The following RFX6 variants were observed in gnomAD, a reference collection of about 807,000 sequenced individuals.
RFX6 encodes the protein regulatory factor X6, also known as DNA-binding protein RFX6.
RFX6 carries 50 observed loss-of-function variants against 110.8 expected under a neutral mutation model. That is an observed-to-expected ratio of 0.45 (90% CI 0.36 to 0.57). RFX6 has a LOEUF of 0.57. RFX6 is among the 20% of genes least tolerant of loss of function. The pLI, the probability that RFX6 is intolerant of heterozygous loss-of-function variation, is 0.00. For missense variants in RFX6, 990 were observed against 1,127.0 expected (o/e 0.88, Z 1.74); for synonymous variants, 383 against 411.2 (o/e 0.93, Z 0.83).
rs758650512 is a variant in RFX6, at chr6:116,920,469, T to G, written c.1327+15T>G. The G allele has an allele frequency of 3.1e-6, 5 of 1,610,380 alleles. No individual in the cohort carries two copies. Among genetic ancestry groups the G allele is most frequent in the South Asian group, 2.2e-5 (2 of 91,022 alleles). On this transcript the variant is annotated intron_variant, in intron 12 of 18. Transcript: ENST00000332958. The stretch of plus-strand genomic sequence containing the variant: ...CTACACTGAACGTAAGTCCATTCTC[T>G]TTGTTTAGAACAAGGTTTTCTAAGC...
Position 116,877,366 on chromosome 6 carries a change from C to T in RFX6, c.91C>T (p.Gln31Ter). ...GGGGATCCAGGAAGACTGCTGTGTG[C>T]AGCTCCTGGGCAAGGGCTTGCTAGT... ...SPGIQEDCCV[Q>*]LLGKGLLVYP... Residue 31 changes from glutamine (Q) to a stop codon, truncating the protein, a stop_gained, in exon 1 of 19, where the codon CAG becomes TAG. Transcript: ENST00000332958. LOFTEE classifies it high-confidence loss of function. 1 of 1,611,584 alleles carries T rather than the reference C, an allele frequency of 6.2e-7. No homozygotes were observed. The highest frequency in any genetic ancestry group is 8.5e-7 in the Non-Finnish European group (1 of 1,179,020).
At position 116,923,218 on chromosome 6, in the gene RFX6, A is replaced by G; in HGVS notation, c.1549A>G (p.Ser517Gly). ...MHNLTLNNAS[S>G]FGSFHLIRML... ...TAATCTCACCTTGAACAATGCATCC[A>G]GTTTTGGTAACATACGTGCATTATA... is the stretch of plus-strand genomic sequence containing the variant. Residue 517 changes from serine (S) to glycine (G), a missense_variant, in exon 14 of 19, where the codon AGT becomes GGT. By Grantham distance (56) the Ser-to-Gly change is moderately conservative. Coordinates refer to ENST00000332958, the MANE Select transcript of RFX6 (RefSeq NM_173560.4). 1 of 1,443,612 alleles carries G rather than the reference A, an allele frequency of 6.9e-7. No individual in the cohort carries two copies. Among genetic ancestry groups the G allele is most frequent in the Non-Finnish European group, 9.8e-7 (1 of 1,025,468 alleles). The allele number at this position is 1,443,612 out of a possible 1,614,324, so 89.4% of individuals were successfully genotyped here. A position where few individuals can be genotyped will look rare whatever the true frequency, so the allele number is the denominator to read the frequency against.
chr6:116,917,908 T>TAAC (rs1203243185), intron 9 of RFX6, 129 bp from the exon 10 acceptor site: 4 of 670,810 alleles, frequency 6.0e-6, no homozygotes, highest in African/African-American at 5.4e-5. Flanking sequence ...GATAAAATTA[T>TAAC]AACTTTGAGA....
intron 15 of RFX6, 74 bp downstream of exon 15, chr6:116,924,865 A>T: frequency 4.6e-6 from 5 of 1,081,006 alleles, no homozygotes; most frequent in Non-Finnish European, 7.1e-6. Flanking sequence ...ATAAGTTCAG[A>T]TATTAAGTGG....
At chr6:116,915,617 T>A (rs1292528257) in intron 7 of RFX6, among the ~76,000 whole-genome samples, 1 of 152,116 alleles carries the variant, frequency 6.6e-6, no homozygotes, top group Non-Finnish European at 1.5e-5. Context: ...CTACTTTATG[T>A]TTATTTATCC....
intron 4 of RFX6, among the ~76,000 whole-genome samples, chr6:116,890,240 C>G (rs905811943): frequency 6.6e-6 from 1 of 152,076 alleles, no homozygotes; most frequent in Admixed American, 6.6e-5. Flanking sequence ...TTTTGAATGT[C>G]TGTTTTGGAA....
chr6:116,921,938 T>C (rs1039850678), intron 12 of RFX6, 104 bp from the exon 13 acceptor site: 1 of 675,686 alleles, frequency 1.5e-6, no homozygotes, highest in African/African-American at 1.8e-5. Context: ...CCTTTCATGC[T>C]ATCAAAGTAT....
chr6:116,922,038 G>A lies in RFX6; in HGVS notation c.1328-4G>A. On this transcript the variant is annotated splice_region_variant and splice_polypyrimidine_tract_variant and intron_variant, in intron 12 of 18. Coordinates refer to ENST00000332958, the MANE Select transcript of RFX6 (RefSeq NM_173560.4). ...TCTTTCTTTTTTTTTTTTTTCCTGG[G>A]TAGATGACTCTATCACTGTGTTCCA... The A allele has an allele frequency of 8.0e-7, 1 of 1,244,376 alleles. No homozygotes were observed. The highest frequency in any genetic ancestry group is 1.2e-6 in the Non-Finnish European group (1 of 851,404). The allele number at this position is 1,244,376 out of a possible 1,614,324, so 77.1% of individuals were successfully genotyped here.
chr6:116,888,485 A>G (rs1404399887), intron 4 of RFX6, among the ~76,000 whole-genome samples: 2 of 152,200 alleles, frequency 1.3e-5, no homozygotes, highest in African/African-American at 4.8e-5. Context: ...TTAGATAATC[A>G]TAGAAGCTGC....
chr6:116,906,859 T>TG (rs1775213517), intron 6 of RFX6, among the ~76,000 whole-genome samples: 1 of 117,988 alleles, frequency 8.5e-6, no homozygotes, highest in Non-Finnish European at 2.0e-5. Context: ...TGTGTTTTTT[T>TG]GTTTTTTTTT....
At chr6:116,920,849 TAATC>T in intron 12 of RFX6, among the ~76,000 whole-genome samples, 1 of 152,238 alleles carries the variant, frequency 6.6e-6, no homozygotes, top group Admixed American at 6.5e-5. Flanking sequence ...AATCTGAAAA[TAATC>T]AAATTGTTTT....
intron 7 of RFX6, 99 bp from the exon 8 acceptor site, chr6:116,915,909 A>G: frequency 1.2e-6 from 1 of 857,214 alleles, no homozygotes; most frequent in Non-Finnish European, 2.0e-6. Flanking sequence ...ACTGCTTGGT[A>G]CGTAATAGGA....
At chr6:116,888,822 C>G (rs1237279488) in intron 4 of RFX6, among the ~76,000 whole-genome samples, 4 of 152,104 alleles carry the variant, frequency 2.6e-5, no homozygotes, top group Non-Finnish European at 5.9e-5. Context: ...CAAAATAATG[C>G]TATAAAATAT....
chr6:116,882,302 C>A, intron 3 of RFX6, 65 bp from the exon 4 acceptor site: 1 of 1,116,468 alleles, frequency 9.0e-7, no homozygotes, highest in Non-Finnish European at 1.4e-6. Flanking sequence ...AAGTAATTGG[C>A]TATGAGTGGC....
rs781373378 is a variant in RFX6 at position 116,922,067 on chromosome 6, A to G, written c.1353A>G (p.Glu451=). ...TEHDSITVFQ[E]LKDLLKKNAT... is the part of the protein sequence containing the mutation. ...ATGACTCTATCACTGTGTTCCAAGA[A>G]CTGAAGGATCTCCTTAAGAAGAATG... is the stretch of plus-strand genomic sequence containing the variant. The change falls in exon 13 of 19, where the codon GAA becomes GAG. Residue 451 remains glutamate (E), a synonymous_variant. Transcript: ENST00000332958. 2.6e-6 allele frequency: 4 copies of G among 1,536,282 alleles called. No homozygotes were observed. The East Asian group carries it at 6.8e-5, about 26-fold the overall frequency.
intron 7 of RFX6, among the ~76,000 whole-genome samples, chr6:116,912,572 G>T (rs559321767): frequency 5.6e-4 from 85 of 152,268 alleles, no homozygotes; most frequent in African/African-American, 2.0e-3. Flanking sequence ...AGTTTGTGAG[G>T]ATTCCTGTGG....
intron 4 of RFX6, among the ~76,000 whole-genome samples, chr6:116,883,951 CCTCAA>C: frequency 6.6e-6 from 1 of 152,264 alleles, no homozygotes; most frequent in African/African-American, 2.4e-5. Flanking sequence ...AACAAACTTT[CCTCAA>C]CTTGACATTC....
At chr6:116,916,632 C>T (rs1227243818) in intron 9 of RFX6, among the ~76,000 whole-genome samples, 1 of 151,976 alleles carries the variant, frequency 6.6e-6, no homozygotes, top group Non-Finnish European at 1.5e-5. Context: ...TAAAATAACA[C>T]AGTGGATTTT....
At chr6:116,911,086 G>T (rs780653746) in intron 7 of RFX6, 44 bp downstream of exon 7, 1 of 1,277,476 alleles carries the variant, frequency 7.8e-7, no homozygotes, top group East Asian at 2.3e-5. Flanking sequence ...TGATATGTTG[G>T]CTCCATATGT....
Sources: gnomAD v4.1 joint callset for allele counts (sites outside exome capture counted in the v4.1 genomes callset) on GRCh38, gnomAD v4.1.1 for gene constraint, MANE v1.5 for transcripts, NCBI Gene and HGNC (gene_info 2026-07-23, HGNC 2026-07-21) for gene names.